Variants in ARFGAP2 observed in about 807,000 individuals in gnomAD.
The protein encoded by ARFGAP2 is ADP-ribosylation factor GTPase-activating protein 2.
Under a neutral mutation model 71.9 loss-of-function variants are expected in ARFGAP2, and 45 were observed. The ratio of observed to expected loss-of-function variants is 0.63; its 90% CI spans 0.49 to 0.80. ARFGAP2 has a LOEUF of 0.80. Among genes scored for constraint, ARFGAP2 ranks in the 30% least tolerant of loss-of-function variants. ARFGAP2 has a pLI of 0.00. For synonymous variants in ARFGAP2, 248 were observed against 249.2 expected, an observed-to-expected ratio of 1.00 and a Z score of 0.05; for missense variants, 633 against 673.9, an observed-to-expected ratio of 0.94 and a Z score of 0.67.
At chr11:47,171,886 A>G in intron 8 of ARFGAP2, 86 bp from the exon 9 acceptor site, 2 of 1,543,490 alleles carry the variant, frequency 1.3e-6, no homozygotes, top group Non-Finnish European at 1.7e-6. Flanking sequence ...CACACCCACA[A>G]GGAAAAGGCC....
intron 9 of ARFGAP2, 24 bp from the exon 10 acceptor site, chr11:47,171,581 T>G (rs1676666388): frequency 1.9e-6 from 3 of 1,614,130 alleles, no homozygotes; most frequent in Non-Finnish European, 2.5e-6. Context: ...AAGGTGTCAG[T>G]GGCCACCACC....
chr11:47,172,393 G>C, intron 7 of ARFGAP2, 60 bp from the exon 8 acceptor site: 1 of 1,565,040 alleles, frequency 6.4e-7, no homozygotes, highest in Non-Finnish European at 8.8e-7. Flanking sequence ...CAGTAGCTCA[G>C]TATACACCAT....
At chr11:47,173,163 CTT>C in intron 7 of ARFGAP2, 1 of 499,338 alleles carries the variant, frequency 2.0e-6, no homozygotes, top group Non-Finnish European at 3.6e-6. Flanking sequence ...CTCCCCAACA[CTT>C]TGGCTAGACC....
In ARFGAP2 at chr11:47,164,450, C is replaced by A; in HGVS notation, c.*1032G>T. On this transcript the variant is annotated 3_prime_UTR_variant, in exon 16 of 16. Transcript: ENST00000524782. ...CTGTGTTGCTTGGGAGCCCAACCTA[C>A]AACCCAAAGGTGGGGGCTGGGCTGA... is the stretch of plus-strand genomic sequence containing the variant. The A allele has an allele frequency of 1.9e-6, 1 of 537,346 alleles. No homozygotes were observed. Among genetic ancestry groups the A allele is most frequent in the Non-Finnish European group, 3.1e-6 (1 of 325,366 alleles). The allele number at this position is 537,346 out of a possible 1,614,324, so 33.3% of individuals were successfully genotyped here. A position where few individuals can be genotyped will look rare whatever the true frequency, so the allele number is the denominator to read the frequency against.
intron 7 of ARFGAP2, 120 bp downstream of exon 7, chr11:47,173,306 A>G: frequency 8.7e-7 from 1 of 1,153,886 alleles, no homozygotes; most frequent in Non-Finnish European, 1.3e-6. Flanking sequence ...CCAGAGAATC[A>G]GATAGATGCT....
intron 7 of ARFGAP2, chr11:47,173,094 C>A: frequency 2.4e-6 from 1 of 410,412 alleles, no homozygotes; most frequent in Non-Finnish European, 4.6e-6. Flanking sequence ...CCCGGAAATG[C>A]ACCAGACAAG....
chr11:47,174,994 C>T lies in ARFGAP2; in HGVS notation c.480+21G>A, dbSNP rs781757765. On this transcript the variant is annotated intron_variant, in intron 5 of 15. Coordinates refer to ENST00000524782, the MANE Select transcript of ARFGAP2 (RefSeq NM_032389.6). ...TGCCTGTCAAGAACAACTGGGAAAA[C>T]GGTTCCTTGTGGGCACTCACTTGAG... is the stretch of plus-strand genomic sequence containing the variant. The T allele has an allele frequency of 1.7e-5, 27 of 1,612,706 alleles. No individual in the cohort carries two copies. In the South Asian group the frequency reaches 2.2e-4, roughly 13 times the overall value.
intron 3 of ARFGAP2, chr11:47,175,560 T>C (rs1952775255): frequency 1.4e-5 from 9 of 634,820 alleles, no homozygotes; most frequent in Non-Finnish European, 2.2e-5. Context: ...CAACATCCCA[T>C]ACCCAGCCTC....
At chr11:47,167,103 C>A (rs1036580016) in intron 12 of ARFGAP2, among the ~76,000 whole-genome samples, 1 of 152,198 alleles carries the variant, frequency 6.6e-6, no homozygotes, top group African/African-American at 2.4e-5. Context: ...CTGCACTAGG[C>A]AGGGTGGAAA....
rs1952837192 is a variant in ARFGAP2 at position 47,176,556 on chromosome 11, C to T, written c.151G>A (p.Gly51Arg). Residue 51 changes from glycine (G) to arginine (R), a missense_variant, in exon 2 of 16, where the codon GGG becomes AGG. Gly to Arg is a moderately radical substitution (Grantham distance 125). Coordinates refer to ENST00000524782, the MANE Select transcript of ARFGAP2 (RefSeq NM_032389.6). ...TGGACGCCCAGGGAGCGGTGCACCC[C>T]GGAACAGTCAATGCACAAGAAAACA... ...YGVFLCIDCS[G>R]VHRSLGVHLS... 1 of 1,613,796 alleles carries T rather than the reference C, an allele frequency of 6.2e-7. No individual in the cohort carries two copies. The highest frequency in any genetic ancestry group is 1.7e-5 in the Admixed American group (1 of 60,000).
chr11:47,172,003 G>C, intron 8 of ARFGAP2: 1 of 835,476 alleles, frequency 1.2e-6, no homozygotes, highest in Non-Finnish European at 1.8e-6. Flanking sequence ...AGCAGAGCCC[G>C]GGCCTGAGGA....
At chr11:47,171,378 C>G (rs1952592450) in intron 10 of ARFGAP2, 48 bp downstream of exon 10, 1 of 1,607,846 alleles carries the variant, frequency 6.2e-7, no homozygotes, top group Non-Finnish European at 8.5e-7. Context: ...CGCAATGGTT[C>G]CCAGAAAACA....
At chr11:47,171,592 C>T (rs576563483) in intron 9 of ARFGAP2, 35 bp from the exon 10 acceptor site, 2 of 1,613,926 alleles carry the variant, frequency 1.2e-6, no homozygotes, top group South Asian at 1.1e-5. Flanking sequence ...GGCCACCACC[C>T]ATCCTGACCT....
rs368174964 is a variant in ARFGAP2 at position 47,176,429 on chromosome 11, G to A, written c.191+87C>T. ...GAGGCTTCCCACCGAATTCAGAGCG[G>A]CCCAAGTCGAGGCAGCCACTCTCCC... On this transcript the variant is annotated intron_variant, in intron 2 of 15. Transcript: ENST00000524782. 3.8e-5 allele frequency: 50 copies of A among 1,299,974 alleles called. No homozygotes were observed. The African/African-American group carries it at 5.5e-4, about 14-fold the overall frequency. 80.5% of individuals were successfully genotyped at this position (1,299,974 alleles called of 1,614,324 possible).
In ARFGAP2 at chr11:47,167,929, G is replaced by A. The variant is rs758299261; in HGVS notation, c.1185C>T (p.Ser395=). 96 of 1,612,070 alleles carry A rather than the reference G, an allele frequency of 6.0e-5. No individual in the cohort carries two copies. Among genetic ancestry groups the A allele is most frequent in the Non-Finnish European group, 6.0e-5 (71 of 1,179,268 alleles). ...TCTACCTTTCTGAAATAGGCCGGATGCTTGAGATGGTCACTTCTGGCTCCT... is the reference window on the plus strand; with the variant it reads ...TCTACCTTTCTGAAATAGGCCGGATACTTGAGATGGTCACTTCTGGCTCCT... ...EEKEPEVTIS[S]IRPISERATN... The change falls in exon 12 of 16, where the codon AGC becomes AGT. Residue 395 remains serine, a synonymous_variant. Coordinates refer to ENST00000524782, the MANE Select transcript of ARFGAP2 (RefSeq NM_032389.6).
At chr11:47,175,822 G>A (rs1325822288) in intron 3 of ARFGAP2, 29 bp downstream of exon 3, 67 of 1,613,750 alleles carry the variant, frequency 4.2e-5, no homozygotes, top group Non-Finnish European at 5.4e-5. Context: ...CAGAAGAATG[G>A]AAGGTGAGGG....
intron 15 of ARFGAP2, 44 bp from the exon 16 acceptor site, chr11:47,165,546 C>G (rs1952320323): frequency 6.5e-7 from 1 of 1,529,294 alleles, no homozygotes; most frequent in Non-Finnish European, 8.8e-7. Flanking sequence ...GTCAGAGGCT[C>G]TAAGCTGCAG....
At chr11:47,176,487 G>T (rs1048385940) in intron 2 of ARFGAP2, 29 bp downstream of exon 2, 1 of 1,603,942 alleles carries the variant, frequency 6.2e-7, no homozygotes, top group Non-Finnish European at 8.5e-7. Flanking sequence ...CGGCCGGGTG[G>T]AAACACGGCA....
In ARFGAP2 at chr11:47,168,030, G is replaced by A; in HGVS notation, c.1084C>T (p.Pro362Ser). The A allele has an allele frequency of 3.7e-6, 6 of 1,614,172 alleles. No individual in the cohort carries two copies. Among genetic ancestry groups the A allele is most frequent in the Non-Finnish European group, 5.1e-6 (6 of 1,180,040 alleles). The change falls in exon 12 of 16, where the codon CCC becomes TCC. Residue 362 changes from proline to serine, a missense_variant. By Grantham distance (74) the Pro-to-Ser change is moderately conservative. Coordinates refer to ENST00000524782, the MANE Select transcript of ARFGAP2 (RefSeq NM_032389.6). ...ASGPPKYKDN[P>S]FSLGESFGSR... is the part of the protein sequence containing the mutation. ...CCAAAGCTTTCCCCTAAGGAAAAGG[G>A]ATTGTCCTTGTACCTAGGGAGACAG...
Sources: allele counts gnomAD v4.1 joint callset (sites outside exome capture counted in the v4.1 genomes callset), GRCh38; gene constraint gnomAD v4.1.1; transcripts MANE v1.5; gene names NCBI Gene and HGNC (gene_info 2026-07-23, HGNC 2026-07-21).